Variants in LIN7A observed in about 807,000 individuals in gnomAD.
The protein encoded by LIN7A is protein lin-7 homolog A.
Under a neutral mutation model 29.8 loss-of-function variants are expected in LIN7A, and 25 were observed. That is an observed-to-expected ratio of 0.84 (90% confidence interval 0.61 to 1.17). LIN7A has a LOEUF of 1.17. Ranked by LOEUF, LIN7A falls within the 50% of genes most tolerant of loss-of-function variation. The pLI is 0.00. For synonymous variants in LIN7A, 118 were observed against 107.5 expected (o/e 1.10, Z -0.60); for missense variants, 239 against 287.0 (o/e 0.83, Z 1.21).
chr12:80,855,331 T>G (rs927522439), intron 2 of LIN7A, among the ~76,000 whole-genome samples: 1 of 152,104 alleles, frequency 6.6e-6, no homozygotes, highest in African/African-American at 2.4e-5. Flanking sequence ...GTAAGAATGG[T>G]TTTTTAATAA....
At chr12:80,902,218 T>C (rs956856794) in intron 1 of LIN7A, among the ~76,000 whole-genome samples, 6 of 14,254 alleles carry the variant, frequency 4.2e-4, no homozygotes, top group African/African-American at 1.3e-3. Flanking sequence ...GGTCTATGTG[T>C]TTTTTTTTTT....
intron 2 of LIN7A, among the ~76,000 whole-genome samples, chr12:80,863,901 TG>T: frequency 1.5e-5 from 2 of 129,160 alleles, no homozygotes; most frequent in East Asian, 4.4e-4. Context: ...CTTGTTTGTT[TG>T]TTTTTTTTTA....
Position 80,794,467 on chromosome 12 carries a change from T to A in LIN7A, c.*3260A>T, listed in dbSNP as rs1490436153. The A allele has an allele frequency of 1.3e-5, 2 of 152,158 alleles. No individual in the cohort carries two copies. The highest frequency in any genetic ancestry group is 2.4e-5 in the African/African-American group (1 of 41,440). The allele number at this position is 152,158 out of a possible 1,614,324, so 9.4% of individuals were successfully genotyped here. ...GAGAAATTTAGGCATTATTCACACA[T>A]CCACACATATCTATAGATGTTTAAA... On this transcript the variant is annotated 3_prime_UTR_variant, in exon 6 of 6. Transcript: ENST00000552864.
At chr12:80,876,513 C>A (rs1874710292) in intron 2 of LIN7A, among the ~76,000 whole-genome samples, 1 of 152,024 alleles carries the variant, frequency 6.6e-6, no homozygotes, top group Non-Finnish European at 1.5e-5. Context: ...ACTATATAAA[C>A]CACCCCAAAA....
chr12:80,800,488 TC>T (rs1870666645), intron 5 of LIN7A, among the ~76,000 whole-genome samples: 1 of 33,114 alleles, frequency 3.0e-5, no homozygotes, highest in South Asian at 1.4e-3. Context: ...AAACTCCGTC[TC>T]AAAAAAAAAA....
At chr12:80,867,259 T>C (rs929521349) in intron 2 of LIN7A, among the ~76,000 whole-genome samples, 1 of 152,174 alleles carries the variant, frequency 6.6e-6, no homozygotes, top group African/African-American at 2.4e-5. Context: ...ATGTCTCTTT[T>C]AATAGCCATC....
chr12:80,927,155 C>CTTTTTTTTTTTTTTTTTTTTTT (rs929026269), intron 1 of LIN7A, among the ~76,000 whole-genome samples: 3 of 75,532 alleles, frequency 4.0e-5, no homozygotes, highest in African/African-American at 1.1e-4. Context: ...TTTTCTTTTT[C>CTTTTTTTTTTTTTTTTTTTTTT]TTTTTTTTTT....
In LIN7A at chr12:80,807,063, G is replaced by GTTTTTTT. The variant is rs71094991; in HGVS notation, c.*4395_*4401dup. ...CCATAGGAAATTTAATGAAGATGGA[G>GTTTTTTT]TTTTTTTTTTTTTTTTTTTTTTTTT... On this transcript the variant is annotated intron_variant, in intron 5 of 5. Coordinates refer to ENST00000552864, the MANE Select transcript of LIN7A (RefSeq NM_004664.4). Among the ~76,000 whole-genome samples, 44 of 53,510 alleles carry GTTTTTTT rather than the reference G, an allele frequency of 8.2e-4. 5 individuals are homozygous for GTTTTTTT. Among genetic ancestry groups the GTTTTTTT allele is most frequent in the African/African-American group, 1.7e-3 (20 of 11,516 alleles). 35.1% of individuals were successfully genotyped at this position (53,510 alleles called of 152,430 possible).
intron 2 of LIN7A, among the ~76,000 whole-genome samples, chr12:80,880,843 AAAC>A (rs1440439596): frequency 2.0e-5 from 3 of 152,106 alleles, no homozygotes; most frequent in Non-Finnish European, 4.4e-5. Flanking sequence ...AGTTTTACTG[AAAC>A]AATCATAGTT....
chr12:80,866,360 A>G (rs1874135198), intron 2 of LIN7A, among the ~76,000 whole-genome samples: 2 of 152,216 alleles, frequency 1.3e-5, no homozygotes, highest in Admixed American at 1.3e-4. Context: ...AAAACTATGA[A>G]AGCATTTTGT....
intron 2 of LIN7A, chr12:80,861,618 C>T (rs1334480757): frequency 2.0e-5 from 3 of 152,322 alleles, no homozygotes; most frequent in African/African-American, 7.2e-5. Context: ...CCTTTACTGT[C>T]CTGACTGTCT....
intron 4 of LIN7A, among the ~76,000 whole-genome samples, chr12:80,820,482 C>T (rs1371802095): frequency 1.3e-5 from 2 of 152,182 alleles, no homozygotes; most frequent in Non-Finnish European, 2.9e-5. Context: ...TGGTTGACCT[C>T]AGCCCACCTT....
chr12:80,881,749 C>T (rs999251338), intron 2 of LIN7A, among the ~76,000 whole-genome samples: 5 of 152,128 alleles, frequency 3.3e-5, no homozygotes, highest in African/African-American at 9.6e-5. Context: ...ATCTGAAATA[C>T]AGCATCTAAT....
At chr12:80,810,585 T>G (rs1871239970) in intron 5 of LIN7A, among the ~76,000 whole-genome samples, 1 of 152,324 alleles carries the variant, frequency 6.6e-6, no homozygotes, top group Non-Finnish European at 1.5e-5. Flanking sequence ...ACATATTGAT[T>G]TCAATTCCTT....
In LIN7A at chr12:80,793,376, G is replaced by C. The variant is rs951576478; in HGVS notation, c.*4351C>G. On this transcript the variant is annotated 3_prime_UTR_variant, in exon 6 of 6. Coordinates refer to ENST00000552864, the MANE Select transcript of LIN7A (RefSeq NM_004664.4). ...TATAGATAAACTAAGCAGCATTTTT[G>C]AGCAGTGGTTTTAGAAAAGCAAGCT... The C allele has an allele frequency of 2.0e-5, 3 of 152,164 alleles. No individual in the cohort carries two copies. Among genetic ancestry groups the C allele is most frequent in the Non-Finnish European group, 2.9e-5 (2 of 68,010 alleles). The allele number at this position is 152,164 out of a possible 1,614,324, so 9.4% of individuals were successfully genotyped here.
intron 4 of LIN7A, among the ~76,000 whole-genome samples, chr12:80,829,601 A>AAAAC (rs1354113645): frequency 1.3e-5 from 2 of 152,312 alleles, no homozygotes; most frequent in East Asian, 1.9e-4. Context: ...CCTGAGATTA[A>AAAAC]AAACAAACAA....
At position 80,879,769 on chromosome 12, in the gene LIN7A, A is replaced by G. The variant is rs551213394; in HGVS notation, c.201+9482T>C. Among the ~76,000 whole-genome samples the G allele has an allele frequency of 1.1e-3, 171 of 151,832 alleles. 1 individual carries two copies. The highest frequency in any genetic ancestry group is 1.6e-3 in the Non-Finnish European group (107 of 67,970). On this transcript the variant is annotated intron_variant, in intron 2 of 5. Coordinates refer to ENST00000552864, the MANE Select transcript of LIN7A (RefSeq NM_004664.4). ...ATTTTTCATCTGTTTTAATAGCACT[A>G]TGTGCTCAAAGTTGCAGCTCACACA... is the stretch of plus-strand genomic sequence containing the variant.
chr12:80,876,052 T>TACACACACAC (rs67035673), intron 2 of LIN7A, among the ~76,000 whole-genome samples: 41 of 148,226 alleles, frequency 2.8e-4, no homozygotes, highest in African/African-American at 9.8e-4. Context: ...ATTATTTTTA[T>TACACACACAC]ACACACACAC....
intron 1 of LIN7A, 94 bp downstream of exon 1, chr12:80,937,547 T>G: frequency 1.1e-6 from 1 of 903,474 alleles, no homozygotes; most frequent in Non-Finnish European, 1.6e-6. Context: ...TCCTCCTGCC[T>G]GAGCGCGTCC....
Sources: gnomAD v4.1 joint callset for allele counts (sites outside exome capture counted in the v4.1 genomes callset) on GRCh38, gnomAD v4.1.1 for gene constraint, MANE v1.5 for transcripts, NCBI Gene and HGNC (gene_info 2026-07-23, HGNC 2026-07-21) for gene names.